The following DNAH14 variants were observed in gnomAD, a reference collection of about 807,000 sequenced individuals.
The protein encoded by DNAH14 is dynein axonemal heavy chain 14, also known as axonemal beta dynein heavy chain 14.
Under a neutral mutation model 520.9 loss-of-function variants are expected in DNAH14, and 478 were observed. The observed-to-expected ratio is 0.92, with a 90% CI of 0.85 to 0.99. DNAH14 has a LOEUF of 0.99. Ranked by LOEUF, DNAH14 falls within the 50% of genes least tolerant of loss-of-function variation. The pLI is 0.00. For synonymous variants in DNAH14, 1,581 were observed against 1,757.2 expected (o/e 0.90, Z 2.51); for missense variants, 4,831 against 5,234.5 (o/e 0.92, Z 2.38).
At chr1:225,390,236 G>C (rs2095890485) in intron 83 of DNAH14, among the ~76,000 whole-genome samples, 1 of 152,196 alleles carries the variant, frequency 6.6e-6, no homozygotes, top group Non-Finnish European at 1.5e-5. Flanking sequence ...GATTGACTCT[G>C]AGCTTCAGCC....
chr1:225,318,559 T>C, intron 60 of DNAH14, 24 bp from the exon 61 acceptor site: 1 of 1,532,788 alleles, frequency 6.5e-7, no homozygotes, highest in Non-Finnish European at 8.8e-7. Flanking sequence ...CATATGTGTT[T>C]GGGGACCTAT....
chr1:225,180,231 C>G (rs4653609), intron 36 of DNAH14, among the ~76,000 whole-genome samples: 47,860 of 151,986 alleles, frequency 0.31, 8,718 homozygotes, highest in East Asian at 0.61. Flanking sequence ...TCTCTCGAAG[C>G]CTAGTGACTT....
At chr1:224,975,272 T>C (rs2061741636) in intron 8 of DNAH14, among the ~76,000 whole-genome samples, 1 of 152,204 alleles carries the variant, frequency 6.6e-6, no homozygotes, top group Non-Finnish European at 1.5e-5. Context: ...ACTCTTTTTC[T>C]ATTGATTGGA....
In DNAH14 at chr1:224,929,801, A is replaced by AGGGCCACAACGGCCGTC; in HGVS notation, c.-65_-49dup. ...GGCCGGACCTTCGCCGCTTCCAGGA[A>AGGGCCACAACGGCCGTC]GGGCCACAACGGCCGTCGGACCACG... On this transcript the variant is annotated 5_prime_UTR_variant, in exon 1 of 86. Coordinates refer to ENST00000682510, the MANE Select transcript of DNAH14 (RefSeq NM_001367479.1). The AGGGCCACAACGGCCGTC allele has an allele frequency of 1.4e-6, 1 of 699,902 alleles. No homozygotes were observed. Among genetic ancestry groups the AGGGCCACAACGGCCGTC allele is most frequent in the Non-Finnish European group, 2.6e-6 (1 of 383,108 alleles). The allele number at this position is 699,902 out of a possible 1,614,324, so 43.4% of individuals were successfully genotyped here. A position where few individuals can be genotyped will look rare whatever the true frequency, so the allele number is the denominator to read the frequency against.
chr1:225,218,282 A>T (rs1252390810), intron 41 of DNAH14, among the ~76,000 whole-genome samples: 1 of 152,218 alleles, frequency 6.6e-6, no homozygotes. Flanking sequence ...CATTATAATG[A>T]CAGGGTCAAA....
At chr1:225,041,218 T>C (rs1196776042) in intron 12 of DNAH14, among the ~76,000 whole-genome samples, 1 of 152,202 alleles carries the variant, frequency 6.6e-6, no homozygotes, top group Non-Finnish European at 1.5e-5. Context: ...TTGCTCCTCT[T>C]TTTTACTGTA....
intron 41 of DNAH14, among the ~76,000 whole-genome samples, chr1:225,222,385 A>G (rs2090124416): frequency 6.6e-6 from 1 of 152,162 alleles, no homozygotes; most frequent in Admixed American, 6.5e-5. Context: ...GACTTCAAGA[A>G]TGAAGCCGTG....
At chr1:225,131,512 C>G (rs1007852294) in intron 27 of DNAH14, among the ~76,000 whole-genome samples, 4 of 152,164 alleles carry the variant, frequency 2.6e-5, no homozygotes, top group Non-Finnish European at 1.5e-5. Flanking sequence ...GAAAAAGCTA[C>G]CCAGTTTTAT....
At chr1:225,246,687 T>G (rs1205413117) in intron 43 of DNAH14, among the ~76,000 whole-genome samples, 1 of 152,194 alleles carries the variant, frequency 6.6e-6, no homozygotes, top group African/African-American at 2.4e-5. Flanking sequence ...AGATGCCATC[T>G]CACTCCAATT....
intron 37 of DNAH14, among the ~76,000 whole-genome samples, chr1:225,188,087 A>G (rs1194348158): frequency 6.6e-6 from 1 of 151,846 alleles, no homozygotes; most frequent in African/African-American, 2.4e-5. Context: ...TCATTGTTCT[A>G]TATGTCTTTC....
intron 84 of DNAH14, among the ~76,000 whole-genome samples, chr1:225,392,909 G>A (rs2095939759): frequency 6.6e-6 from 1 of 152,182 alleles, no homozygotes; most frequent in East Asian, 1.9e-4. Context: ...GACCCATGGA[G>A]GCAGCTTGGG....
At chr1:224,942,537 C>G (rs536340524) in intron 1 of DNAH14, among the ~76,000 whole-genome samples, 31 of 152,046 alleles carry the variant, frequency 2.0e-4, no homozygotes, top group Middle Eastern at 3.2e-3. Flanking sequence ...ACTGCCAACA[C>G]TGTGTTGAAT....
intron 69 of DNAH14, 56 bp downstream of exon 69, chr1:225,340,757 G>T (rs934052264): frequency 3.4e-6 from 5 of 1,473,576 alleles, no homozygotes; most frequent in Non-Finnish European, 4.5e-6. Flanking sequence ...AGAATAAAAA[G>T]TTATAAGAAC....
intron 60 of DNAH14, among the ~76,000 whole-genome samples, chr1:225,312,179 T>A (rs1410168516): frequency 1.3e-5 from 2 of 152,186 alleles, no homozygotes; most frequent in Non-Finnish European, 2.9e-5. Flanking sequence ...GTAAGTTGTA[T>A]TCCTAGGTAT....
At chr1:225,336,321 T>C (rs753363858) in intron 66 of DNAH14, among the ~76,000 whole-genome samples, 1 of 151,862 alleles carries the variant, frequency 6.6e-6, no homozygotes, top group East Asian at 1.9e-4. Context: ...TACCATAGAT[T>C]ACAAAAGCAA....
At chr1:225,250,847 T>C in intron 43 of DNAH14, 1 of 422,316 alleles carries the variant, frequency 2.4e-6, no homozygotes, top group Admixed American at 4.4e-5. Flanking sequence ...GGCTTTGGGG[T>C]GATTAGGGTA....
rs1034903470 is a variant in DNAH14, at chr1:225,100,709, A to G, written c.3696-4A>G. 1.6e-5 allele frequency: 24 copies of G among 1,470,786 alleles called. No individual in the cohort carries two copies. In the African/African-American group the frequency reaches 1.9e-4, roughly 12 times the overall value. 91.1% of individuals were successfully genotyped at this position (1,470,786 alleles called of 1,614,324 possible). On this transcript the variant is annotated splice_region_variant and splice_polypyrimidine_tract_variant and intron_variant, in intron 22 of 85. Transcript: ENST00000682510. ...TAAAATGACATCTAATTTTTTTTCT[A>G]AAGGCAACTCCCAGCAGAAACAGAA... is the stretch of plus-strand genomic sequence containing the variant.
In DNAH14 at chr1:224,933,039, TATTA is replaced by T. The variant is rs568510629; in HGVS notation, c.-34+3208_-34+3211del. Among the ~76,000 whole-genome samples, 763 of 152,276 alleles carry T rather than the reference TATTA, an allele frequency of 5.0e-3. 3 individuals carry two copies. The highest frequency in any genetic ancestry group is 8.5e-3 in the Non-Finnish European group (579 of 67,986). On this transcript the variant is annotated intron_variant, in intron 1 of 85. Coordinates refer to ENST00000682510, the MANE Select transcript of DNAH14 (RefSeq NM_001367479.1). ...TTTGGCAATACGGTCATTTAAATGATATTAATTCTTCCTATCCATGAGCATGGGA... is the reference window on the plus strand; with the variant it reads ...TTTGGCAATACGGTCATTTAAATGATATTCTTCCTATCCATGAGCATGGGA...
At chr1:225,055,914 T>C (rs562154577) in intron 17 of DNAH14, among the ~76,000 whole-genome samples, 2 of 152,290 alleles carry the variant, frequency 1.3e-5, no homozygotes, top group East Asian at 3.9e-4. Flanking sequence ...ATGTGCCACA[T>C]TTTCTTAATC....
Sources: gnomAD v4.1 joint callset for allele counts (sites outside exome capture counted in the v4.1 genomes callset) on GRCh38, gnomAD v4.1.1 for gene constraint, MANE v1.5 for transcripts, NCBI Gene and HGNC (gene_info 2026-07-23, HGNC 2026-07-21) for gene names.